KCNB2: variants seen among roughly 807,000 people sequenced by gnomAD.
The protein encoded by KCNB2 is potassium voltage-gated channel subfamily B member 2, also known as delayed rectifier potassium channel protein.
In KCNB2, 15 loss-of-function variants were observed where a neutral mutation model predicts 61.5. The ratio of observed to expected loss-of-function variants is 0.24; its 90% confidence interval spans 0.16 to 0.38. KCNB2 has a LOEUF of 0.38. Among genes scored for constraint, KCNB2 ranks in the 10% least tolerant of loss-of-function variants. KCNB2 has a pLI of 1.00. For synonymous variants in KCNB2, 457 were observed against 446.0 expected (o/e 1.02, Z -0.31); for missense variants, 828 against 1,125.2 (o/e 0.74, Z 3.78).
At chr8:72,602,835 A>G (rs1805375414) in intron 2 of KCNB2, among the ~76,000 whole-genome samples, 1 of 152,020 alleles carries the variant, frequency 6.6e-6, no homozygotes, top group African/African-American at 2.4e-5. Context: ...GTCATCTCCA[A>G]GTCTTTCCAT....
rs116233999 is a variant in KCNB2, at chr8:72,904,435, G to T, written c.580-31500G>T. On this transcript the variant is annotated intron_variant, in intron 2 of 2. Transcript: ENST00000523207. Reference sequence around the variant, plus strand: ...GCTGGGACTAATACCTGGGTGATGGGTTGATCTGTGCAGCAAACTACCATG... The same window carrying T: ...GCTGGGACTAATACCTGGGTGATGGTTTGATCTGTGCAGCAAACTACCATG... Among the ~76,000 whole-genome samples, 1,006 of 152,160 alleles carry T rather than the reference G, an allele frequency of 6.6e-3. 13 individuals are homozygous for T. The highest frequency in any genetic ancestry group is 0.022 in the African/African-American group (933 of 41,498).
chr8:72,591,311 T>C (rs1479306202), intron 2 of KCNB2, among the ~76,000 whole-genome samples: 1 of 152,176 alleles, frequency 6.6e-6, no homozygotes, highest in East Asian at 1.9e-4. Context: ...ACTGATCTGC[T>C]TCTTTCAGGG....
chr8:72,815,855 A>T (rs1057001979), intron 2 of KCNB2, among the ~76,000 whole-genome samples: 1 of 152,182 alleles, frequency 6.6e-6, no homozygotes, highest in Non-Finnish European at 1.5e-5. Context: ...AAACCCAAAA[A>T]TTGAAACCTT....
In KCNB2 at chr8:72,937,744, T is replaced by G. The variant is rs781728428; in HGVS notation, c.2389T>G (p.Ser797Ala). ...RFPKQKLFPF[S>A]SRERRSFTEI... is the part of the protein sequence containing the mutation. ...TCCCAAGCAGAAACTGTTCCCTTTCTCTTCAAGAGAGAGGAGGAGCTTCAC... is the reference window on the plus strand; with the variant it reads ...TCCCAAGCAGAAACTGTTCCCTTTCGCTTCAAGAGAGAGGAGGAGCTTCAC... The change falls in exon 3 of 3, where the codon TCT (serine) becomes GCT (alanine). Residue 797 changes from serine (S) to alanine (A), a missense_variant. This residue lies in a region of KCNB2 where 559 missense variants were observed against 588.4 expected (regional missense o/e 0.95). Coordinates refer to ENST00000523207, the MANE Select transcript of KCNB2 (RefSeq NM_004770.3). The G allele has an allele frequency of 6.2e-7, 1 of 1,613,888 alleles. No individual in the cohort carries two copies. Among genetic ancestry groups the G allele is most frequent in the Non-Finnish European group, 8.5e-7 (1 of 1,180,006 alleles).
chr8:72,594,296 C>G (rs1422041519), intron 2 of KCNB2, among the ~76,000 whole-genome samples: 1 of 152,190 alleles, frequency 6.6e-6, no homozygotes, highest in African/African-American at 2.4e-5. Context: ...TTGCACCCCC[C>G]TCATCCTCCT....
At chr8:72,545,323 CA>C (rs796806258) in intron 1 of KCNB2, among the ~76,000 whole-genome samples, 101 of 152,260 alleles carry the variant, frequency 6.6e-4, no homozygotes, top group African/African-American at 2.4e-3. Flanking sequence ...GCGATTTTCA[CA>C]AATTGAAGGT....
intron 2 of KCNB2, among the ~76,000 whole-genome samples, chr8:72,606,845 T>C (rs1805459647): frequency 6.6e-6 from 1 of 152,124 alleles, no homozygotes; most frequent in Non-Finnish European, 1.5e-5. Context: ...GTATCTGAAA[T>C]GAGAACCAGG....
intron 2 of KCNB2, among the ~76,000 whole-genome samples, chr8:72,930,681 T>G (rs1369631919): frequency 6.6e-6 from 1 of 152,252 alleles, no homozygotes; most frequent in Non-Finnish European, 1.5e-5. Flanking sequence ...GAGTTCATTG[T>G]AGATTCTGGA....
At chr8:72,739,822 C>A (rs1425024010) in intron 2 of KCNB2, among the ~76,000 whole-genome samples, 4 of 152,082 alleles carry the variant, frequency 2.6e-5, no homozygotes, top group Admixed American at 2.0e-4. Context: ...ATATTGTTCA[C>A]CCTTTTATTT....
chr8:72,597,755 C>T (rs769448923), intron 2 of KCNB2, among the ~76,000 whole-genome samples: 13 of 152,104 alleles, frequency 8.5e-5, no homozygotes, highest in Non-Finnish European at 1.8e-4. Flanking sequence ...GTCCTGGATC[C>T]AGGGTTCTAG....
chr8:72,574,392 GCTAATGC>G (rs1332737420), intron 2 of KCNB2, among the ~76,000 whole-genome samples: 17 of 152,284 alleles, frequency 1.1e-4, no homozygotes, highest in African/African-American at 4.1e-4. Flanking sequence ...GATAGTCCTG[GCTAATGC>G]CTTTTGTCCC....
At chr8:72,716,236 A>C (rs1472802527) in intron 2 of KCNB2, among the ~76,000 whole-genome samples, 3 of 152,160 alleles carry the variant, frequency 2.0e-5, no homozygotes, top group Admixed American at 6.5e-5. Flanking sequence ...CAGAGGTACA[A>C]GGAGGAACTG....
chr8:72,938,009 T>A lies in KCNB2; in HGVS notation c.2654T>A (p.Met885Lys), dbSNP rs748014676. The A allele has an allele frequency of 6.2e-7, 1 of 1,614,114 alleles. No homozygotes were observed. The highest frequency in any genetic ancestry group is 8.5e-7 in the Non-Finnish European group (1 of 1,179,998). Residue 885 changes from methionine (M) to lysine (K), a missense_variant, in exon 3 of 3, where the codon ATG (methionine) becomes AAG (lysine). By Grantham distance (95) the Met-to-Lys change is moderately conservative (BLOSUM62 -1). This residue lies in a region of KCNB2 where 559 missense variants were observed against 588.4 expected (regional missense o/e 0.95). Coordinates refer to ENST00000523207, the MANE Select transcript of KCNB2 (RefSeq NM_004770.3). ...KKDSSQEGCK[M>K]ENHLFAPEIH... ...GACAGTAGTCAAGAAGGGTGCAAGA[T>A]GGAAAATCACTTGTTTGCCCCAGAA...
At chr8:72,920,928 T>C (rs1806509506) in intron 2 of KCNB2, among the ~76,000 whole-genome samples, 1 of 152,086 alleles carries the variant, frequency 6.6e-6, no homozygotes, top group South Asian at 2.1e-4. Flanking sequence ...ACAGAAACTA[T>C]AGATAAGGTA....
chr8:72,656,207 T>A, intron 2 of KCNB2, among the ~76,000 whole-genome samples: 1 of 152,128 alleles, frequency 6.6e-6, no homozygotes, highest in East Asian at 1.9e-4. Context: ...CTCCCTTCAT[T>A]TTTTCAATGA....
intron 2 of KCNB2, among the ~76,000 whole-genome samples, chr8:72,815,704 T>G (rs552914571): frequency 3.4e-4 from 52 of 152,168 alleles, no homozygotes; most frequent in Non-Finnish European, 2.1e-4. Context: ...GAGTTGAATC[T>G]AATCCATTAC....
intron 2 of KCNB2, among the ~76,000 whole-genome samples, chr8:72,925,298 T>C (rs1385506213): frequency 1.3e-5 from 2 of 152,188 alleles, no homozygotes; most frequent in African/African-American, 4.8e-5. Context: ...GAAAACTTCC[T>C]TGCAGAAATT....
At chr8:72,778,208 A>C (rs1808689009) in intron 2 of KCNB2, among the ~76,000 whole-genome samples, 1 of 152,178 alleles carries the variant, frequency 6.6e-6, no homozygotes. Context: ...TCTGCAGCTT[A>C]GATTTCTAAT....
intron 2 of KCNB2, among the ~76,000 whole-genome samples, chr8:72,932,309 A>G (rs1806802174): frequency 6.6e-6 from 1 of 152,206 alleles, no homozygotes; most frequent in Non-Finnish European, 1.5e-5. Flanking sequence ...TCATCTAAAG[A>G]CATAAGTGAT....
Sources: gnomAD v4.1 joint callset for allele counts (sites outside exome capture counted in the v4.1 genomes callset) on GRCh38, gnomAD v4.1.1 for gene constraint, gnomAD v4.1.1 regional missense constraint, MANE v1.5 for transcripts, NCBI Gene and HGNC (gene_info 2026-07-23, HGNC 2026-07-21) for gene names.